ZBTB48: variants seen among roughly 807,000 people sequenced by gnomAD.
ZBTB48 encodes the protein zinc finger and BTB domain containing 48.
ZBTB48 carries 35 observed loss-of-function variants against 64.5 expected under a neutral mutation model. That is an observed-to-expected ratio of 0.54 (90% CI 0.41 to 0.72). The LOEUF is 0.72. ZBTB48 is among the 30% of genes least tolerant of loss of function. The pLI is 0.00. For missense variants in ZBTB48, 828 were observed against 895.3 expected (o/e 0.92, Z 0.96); for synonymous variants, 442 against 356.7 (o/e 1.24, Z -2.70).
intron 6 of ZBTB48, 85 bp downstream of exon 6, chr1:6,587,376 C>T: frequency 1.2e-6 from 2 of 1,609,266 alleles, no homozygotes; most frequent in Non-Finnish European, 1.7e-6. Flanking sequence ...CGGCCATGTA[C>T]TTTCTGTTGT....
chr1:6,583,236 G>A (rs1174186341), intron 3 of ZBTB48, among the ~76,000 whole-genome samples: 2 of 150,672 alleles, frequency 1.3e-5, no homozygotes, highest in Non-Finnish European at 3.0e-5. Context: ...TGATCCACCC[G>A]CCTTGGCCTC....
intron 4 of ZBTB48, 110 bp from the exon 5 acceptor site, chr1:6,586,585 C>T: frequency 5.8e-6 from 8 of 1,380,888 alleles, no homozygotes; most frequent in Non-Finnish European, 6.6e-6. Context: ...AGCGTCCCCA[C>T]CCTCCCCAGG....
intron 5 of ZBTB48, 89 bp from the exon 6 acceptor site, chr1:6,587,116 C>T (rs1247537142): frequency 7.1e-7 from 1 of 1,406,832 alleles, no homozygotes. Flanking sequence ...CGGGGCCTCC[C>T]TCTAGTTCCT....
Position 6,585,973 on chromosome 1 carries a change from T to G in ZBTB48, c.987T>G (p.Phe329Leu). The change falls in exon 4 of 11, where the codon TTT becomes TTG. Residue 329 changes from phenylalanine to leucine, a missense_variant. By Grantham distance (22) the Phe-to-Leu change is conservative. Coordinates refer to ENST00000377674, the MANE Select transcript of ZBTB48 (RefSeq NM_005341.4). ...FECPKCGKCY[F>L]RKENLLEHEA... ...GTCCCAAATGTGGGAAGTGTTACTT[T>G]CGGAAGGAGAACCTCCTGGAGCATG... The G allele has an allele frequency of 6.2e-7, 1 of 1,614,088 alleles. No homozygotes were observed. Among genetic ancestry groups the G allele is most frequent in the Non-Finnish European group, 8.5e-7 (1 of 1,179,964 alleles).
At chr1:6,581,927 C>G (rs1640483566) in intron 2 of ZBTB48, 131 bp from the exon 3 acceptor site, 1 of 1,362,004 alleles carries the variant, frequency 7.3e-7, no homozygotes. Context: ...TGCCTTGGGC[C>G]CCTGAAGGAA....
In ZBTB48 at chr1:6,580,046, C is replaced by T. The variant is rs1463338991; in HGVS notation, c.-160C>T. On this transcript the variant is annotated 5_prime_UTR_variant, in exon 1 of 11. Transcript: ENST00000377674. The surrounding 1 kb of genome is among the most constrained non-coding windows in gnomAD (Gnocchi z 5.2). ...GACGGTGGAGTCTCCGCACTGTCGG[C>T]GGGGTACGCATAGCCGGGCACTAGG... 1 of 194,176 alleles carries T rather than the reference C, an allele frequency of 5.1e-6. No homozygotes were observed. The highest frequency in any genetic ancestry group is 1.1e-5 in the Non-Finnish European group (1 of 92,480). 12.0% of individuals were successfully genotyped at this position (194,176 alleles called of 1,614,324 possible).
chr1:6,585,194 C>G (rs1242062420), intron 3 of ZBTB48: 1 of 152,374 alleles, frequency 6.6e-6, no homozygotes, highest in Non-Finnish European at 1.5e-5. Flanking sequence ...GGAAGTTGAC[C>G]AAGTGGGTGA....
chr1:6,587,412 A>G (rs1640711228), intron 6 of ZBTB48, 66 bp from the exon 7 acceptor site: 3 of 1,608,644 alleles, frequency 1.9e-6, no homozygotes, highest in African/African-American at 1.3e-5. Flanking sequence ...TGGGTCTCCC[A>G]GGCAGCCCTT....
chr1:6,582,129 CAGG>C lies in ZBTB48; in HGVS notation c.767_769del (p.Arg256del). 5.0e-6 allele frequency: 8 copies of C among 1,614,148 alleles called. No homozygotes were observed. Among genetic ancestry groups the C allele is most frequent in the Non-Finnish European group, 6.8e-6 (8 of 1,180,024 alleles). On this transcript the variant is annotated inframe_deletion, in exon 3 of 11. Coordinates refer to ENST00000377674, the MANE Select transcript of ZBTB48 (RefSeq NM_005341.4). ...TGTCTGAGCCTGAGGCTGTGCTGAC[CAGG>C]AGGAAGTCAAATGTAATCCGAAAGC... is the stretch of plus-strand genomic sequence containing the variant.
Position 6,586,626 on chromosome 1 carries a change from GGGCAGAGGCTGCTGTCATA to G in ZBTB48, c.1045-59_1045-41del, listed in dbSNP as rs1316451002. On this transcript the variant is annotated intron_variant, in intron 4 of 10. Transcript: ENST00000377674. Reference sequence around the variant, plus strand: ...TCTTCCCAGCAGCAAGCGGAAGCCCGGGCAGAGGCTGCTGTCATAGGCAGAGGCCCCCGCTGATGCCGGC... The same window carrying G: ...TCTTCCCAGCAGCAAGCGGAAGCCCGGGCAGAGGCCCCCGCTGATGCCGGC... The G allele has an allele frequency of 3.2e-6, 4 of 1,237,982 alleles. No individual in the cohort carries two copies. In the South Asian group the frequency reaches 4.5e-5, roughly 14 times the overall value. 76.7% of individuals were successfully genotyped at this position (1,237,982 alleles called of 1,614,324 possible). A position where few individuals can be genotyped will look rare whatever the true frequency, so the allele number is the denominator to read the frequency against.
At chr1:6,583,755 T>C in intron 3 of ZBTB48, among the ~76,000 whole-genome samples, 1 of 143,782 alleles carries the variant, frequency 7.0e-6, no homozygotes, top group African/African-American at 2.6e-5. Flanking sequence ...TGCGCACCAC[T>C]ACGCCCAGCT....
chr1:6,581,601 T>G (rs1570156433), intron 2 of ZBTB48, among the ~76,000 whole-genome samples: 1 of 151,114 alleles, frequency 6.6e-6, no homozygotes, highest in African/African-American at 2.4e-5. Context: ...GAAGTGGAGG[T>G]TGCAGTGAGC....
Position 6,588,738 on chromosome 1 carries a change from G to A in ZBTB48, c.1682-18G>A, listed in dbSNP as rs1264507913. The A allele has an allele frequency of 6.2e-7, 1 of 1,613,884 alleles. No individual in the cohort carries two copies. The highest frequency in any genetic ancestry group is 8.5e-7 in the Non-Finnish European group (1 of 1,180,042). ...CGGGGCTCCTGCATGATCCCCCACGGTGTTCTCCCTCTTGCAGCCGTGGAG... is the reference window on the plus strand; with the variant it reads ...CGGGGCTCCTGCATGATCCCCCACGATGTTCTCCCTCTTGCAGCCGTGGAG... On this transcript the variant is annotated intron_variant, in intron 9 of 10. Coordinates refer to ENST00000377674, the MANE Select transcript of ZBTB48 (RefSeq NM_005341.4).
intron 7 of ZBTB48, 70 bp downstream of exon 7, chr1:6,587,702 C>T (rs1640726997): frequency 6.3e-7 from 1 of 1,588,012 alleles, no homozygotes; most frequent in East Asian, 2.2e-5. Flanking sequence ...GCAGGGAAGA[C>T]AGAGTTTGCT....
chr1:6,582,609 C>G (rs1176980766), intron 3 of ZBTB48, among the ~76,000 whole-genome samples: 6 of 152,342 alleles, frequency 3.9e-5, no homozygotes, highest in African/African-American at 1.2e-4. Flanking sequence ...ACCTGTGGCC[C>G]CTGTGCTAGA....
chr1:6,588,885 C>T, intron 10 of ZBTB48, 31 bp from the exon 11 acceptor site: 1 of 1,613,932 alleles, frequency 6.2e-7, no homozygotes. Flanking sequence ...CCTAGGATCC[C>T]CCAAAGTTCT....
At position 6,581,247 on chromosome 1, in the gene ZBTB48, C is replaced by G; in HGVS notation, c.638C>G (p.Pro213Arg). The change falls in exon 2 of 11, where the codon CCC (proline) becomes CGC (arginine). Residue 213 changes from proline (P) to arginine (R), a missense_variant. Physicochemically the swap from Pro to Arg is moderately radical, Grantham distance 103 (BLOSUM62 -2). Coordinates refer to ENST00000377674, the MANE Select transcript of ZBTB48 (RefSeq NM_005341.4). ...AAGAAACCCGAGGACTGCAAAGTGC[C>G]CCCAAGGCCCTTAGAGGCTGAAGGT... ...EDKKPEDCKVPPRPLEAEGAQ... is the reference protein window; with the variant it reads ...EDKKPEDCKVRPRPLEAEGAQ... 1 of 1,612,056 alleles carries G rather than the reference C, an allele frequency of 6.2e-7. No individual in the cohort carries two copies. Among genetic ancestry groups the G allele is most frequent in the South Asian group, 1.1e-5 (1 of 90,954 alleles).
intron 7 of ZBTB48, 108 bp from the exon 8 acceptor site, chr1:6,587,952 C>T: frequency 6.8e-7 from 1 of 1,477,704 alleles, no homozygotes; most frequent in Admixed American, 2.1e-5. Flanking sequence ...TGCCCCTTTC[C>T]TAGCACTGCC....
rs113733447 is a variant in ZBTB48, at chr1:6,581,254, G to A, written c.645G>A (p.Arg215=). 15 of 1,611,106 alleles carry A rather than the reference G, an allele frequency of 9.3e-6. No homozygotes were observed. Among genetic ancestry groups the A allele is most frequent in the African/African-American group, 4.0e-5 (3 of 74,966 alleles). The change falls in exon 2 of 11, where the codon AGG becomes AGA. Residue 215 remains arginine, a synonymous_variant. Transcript: ENST00000377674. ...KKPEDCKVPP[R]PLEAEGAQLQ... ...CCGAGGACTGCAAAGTGCCCCCAAG[G>A]CCCTTAGAGGCTGAAGGTGCCCAGC... is the stretch of plus-strand genomic sequence containing the variant.
Sources: allele counts gnomAD v4.1 joint callset (sites outside exome capture counted in the v4.1 genomes callset), GRCh38; gene constraint gnomAD v4.1.1; non-coding constraint Gnocchi (gnomAD v3.1); transcripts MANE v1.5; gene names NCBI Gene and HGNC (gene_info 2026-07-23, HGNC 2026-07-21).